The following MTFMT variants were observed in gnomAD, a reference collection of about 807,000 sequenced individuals.
MTFMT encodes methionyl-tRNA formyltransferase, mitochondrial.
MTFMT carries 47 observed loss-of-function variants against 51.8 expected under a neutral mutation model. That is an observed-to-expected ratio of 0.91 (90% CI 0.72 to 1.16). The LOEUF (loss-of-function observed/expected upper bound fraction) is 1.16. MTFMT is among the 50% of genes most tolerant of loss of function. MTFMT has a pLI of 0.00. For synonymous variants in MTFMT, 196 were observed against 176.7 expected (o/e 1.11, Z -0.87); for missense variants, 512 against 482.3 (o/e 1.06, Z -0.58).
intron 1 of MTFMT, among the ~76,000 whole-genome samples, chr15:65,028,919 G>A (rs1263612191): frequency 1.3e-5 from 2 of 152,180 alleles, no homozygotes; most frequent in African/African-American, 4.8e-5. Flanking sequence ...AGCACAGGGG[G>A]AGCAAAAGAG....
intron 8 of MTFMT, 63 bp from the exon 9 acceptor site, chr15:65,003,319 A>G (rs568290116): frequency 2.0e-5 from 25 of 1,280,118 alleles, no homozygotes; most frequent in Middle Eastern, 3.8e-4. Context: ...CCAAGTAAAT[A>G]TTAGTTTATA....
intron 1 of MTFMT, 141 bp from the exon 2 acceptor site, chr15:65,027,181 G>C (rs914294201): frequency 4.6e-6 from 3 of 648,888 alleles, no homozygotes; most frequent in Non-Finnish European, 5.2e-6. Flanking sequence ...GTGAGAGACT[G>C]AGTTTTCATT....
intron 8 of MTFMT, among the ~76,000 whole-genome samples, chr15:65,004,479 T>G (rs1309520599): frequency 6.6e-6 from 1 of 152,226 alleles, no homozygotes; most frequent in Admixed American, 6.5e-5. Context: ...TCTTTACTAC[T>G]GTTAAGCAGT....
At chr15:65,021,993 A>G (rs1487672812) in intron 3 of MTFMT, among the ~76,000 whole-genome samples, 2 of 152,236 alleles carry the variant, frequency 1.3e-5, no homozygotes, top group African/African-American at 4.8e-5. Context: ...ATTTAATTAC[A>G]ATTACAGAAA....
At chr15:65,028,690 A>C (rs954232239) in intron 1 of MTFMT, among the ~76,000 whole-genome samples, 2 of 152,136 alleles carry the variant, frequency 1.3e-5, no homozygotes, top group African/African-American at 4.8e-5. Context: ...ATGGGGAAAT[A>C]AAAAACATTA....
chr15:65,016,600 A>G (rs1433740460), intron 5 of MTFMT, 73 bp from the exon 6 acceptor site: 5 of 894,216 alleles, frequency 5.6e-6, no homozygotes, highest in Non-Finnish European at 8.8e-6. Context: ...TTGATACTGA[A>G]TAAGAGATAC....
At position 65,026,888 on chromosome 15, in the gene MTFMT, C is replaced by G; in HGVS notation, c.362G>C (p.Gly121Ala). The G allele has an allele frequency of 3.7e-6, 6 of 1,613,984 alleles. No homozygotes were observed. Among genetic ancestry groups the G allele is most frequent in the Non-Finnish European group, 5.1e-6 (6 of 1,179,898 alleles). ...AAGTCGGCCAAACGAAGCCACTACT[C>G]CAACATCATATTCTCCAGATCCCAC... Reference protein sequence around the residue: ...PDVGSGEYDVGVVASFGRLLN... With the variant: ...PDVGSGEYDVAVVASFGRLLN... The change falls in exon 2 of 9, where the codon GGA (glycine) becomes GCA (alanine). Residue 121 changes from glycine to alanine, a missense_variant. Gly to Ala is a moderately conservative substitution (Grantham distance 60). Coordinates refer to ENST00000220058, the MANE Select transcript of MTFMT (RefSeq NM_139242.4).
At chr15:65,013,955 C>A (rs951362601) in intron 6 of MTFMT, among the ~76,000 whole-genome samples, 30 of 148,702 alleles carry the variant, frequency 2.0e-4, no homozygotes, top group African/African-American at 4.0e-4. Context: ...AAAAAAAAAA[C>A]AAAAAACAAA....
chr15:65,006,006 C>A, intron 7 of MTFMT, 107 bp downstream of exon 7: 1 of 710,210 alleles, frequency 1.4e-6, no homozygotes. Context: ...TGAACTGAAA[C>A]AAACTAAAAG....
chr15:65,006,869 T>C (rs2086223880), intron 6 of MTFMT, among the ~76,000 whole-genome samples: 2 of 152,232 alleles, frequency 1.3e-5, no homozygotes, highest in Non-Finnish European at 2.9e-5. Flanking sequence ...CATTTCCCTG[T>C]ATTTTTTTCT....
chr15:65,008,974 G>A (rs2086240616), intron 6 of MTFMT, among the ~76,000 whole-genome samples: 1 of 152,190 alleles, frequency 6.6e-6, no homozygotes. Context: ...GAAAGGGATG[G>A]TAAGAATATA....
intron 6 of MTFMT, among the ~76,000 whole-genome samples, chr15:65,011,192 C>G (rs1422032559): frequency 2.6e-5 from 4 of 152,020 alleles, no homozygotes; most frequent in Non-Finnish European, 4.4e-5. Context: ...CGTGGTGGCG[C>G]TTGCCTATAA....
intron 5 of MTFMT, among the ~76,000 whole-genome samples, chr15:65,017,519 C>T (rs1566942426): frequency 6.6e-6 from 1 of 152,050 alleles, no homozygotes. Context: ...AGAACTATGC[C>T]ACCATAAAAA....
At chr15:65,027,107 A>G in intron 1 of MTFMT, 67 bp from the exon 2 acceptor site, 1 of 1,123,278 alleles carries the variant, frequency 8.9e-7, no homozygotes, top group East Asian at 2.5e-5. Flanking sequence ...ACTACTTCAC[A>G]TATCGCTAAG....
intron 4 of MTFMT, among the ~76,000 whole-genome samples, chr15:65,020,714 T>G (rs1325251661): frequency 2.0e-5 from 3 of 152,232 alleles, no homozygotes; most frequent in Non-Finnish European, 4.4e-5. Flanking sequence ...TTCTACCACC[T>G]ACCAGCTGTC....
intron 6 of MTFMT, among the ~76,000 whole-genome samples, chr15:65,015,653 A>G (rs1458470073): frequency 6.6e-6 from 1 of 152,156 alleles, no homozygotes; most frequent in Non-Finnish European, 1.5e-5. Context: ...CCTGGGCAAC[A>G]TGGCAAAACC....
intron 3 of MTFMT, among the ~76,000 whole-genome samples, 196 bp downstream of exon 3, chr15:65,023,475 GA>G (rs1295670148): frequency 6.6e-6 from 1 of 151,994 alleles, no homozygotes; most frequent in Admixed American, 6.6e-5. Flanking sequence ...GGACTTTAAA[GA>G]GACCCCGCAT....
chr15:65,004,641 T>C (rs190074927), intron 8 of MTFMT, among the ~76,000 whole-genome samples: 5 of 152,308 alleles, frequency 3.3e-5, no homozygotes, highest in Admixed American at 3.3e-4. Context: ...TTACTGAATC[T>C]TCTTTCTTTG....
At position 65,029,468 on chromosome 15, in the gene MTFMT, C is replaced by G. The variant is rs2086460418; in HGVS notation, c.146G>C (p.Arg49Pro). 1 of 1,533,260 alleles carries G rather than the reference C, an allele frequency of 6.5e-7. No individual in the cohort carries two copies. The highest frequency in any genetic ancestry group is 8.8e-7 in the Non-Finnish European group (1 of 1,141,826). 95.0% of individuals were successfully genotyped at this position (1,533,260 alleles called of 1,614,324 possible). A position where few individuals can be genotyped will look rare whatever the true frequency, so the allele number is the denominator to read the frequency against. Reference sequence around the variant, plus strand: ...CTGGTCCGTGCCGAAGAAGAGCACCCGCCAGGGAGGCTTCTCGCGGACTCT... The same window carrying G: ...CTGGTCCGTGCCGAAGAAGAGCACCGGCCAGGGAGGCTTCTCGCGGACTCT... ...DSRVREKPPW[R>P]VLFFGTDQFA... Residue 49 changes from arginine (R) to proline (P), a missense_variant, in exon 1 of 9, where the codon CGG becomes CCG. Arg to Pro is a moderately radical substitution (Grantham distance 103). Transcript: ENST00000220058.
Sources: allele counts gnomAD v4.1 joint callset (sites outside exome capture counted in the v4.1 genomes callset), GRCh38; gene constraint gnomAD v4.1.1; transcripts MANE v1.5; gene names NCBI Gene and HGNC (gene_info 2026-07-23, HGNC 2026-07-21).